Variants in DCAF1 observed in about 807,000 individuals in gnomAD.
The protein encoded by DCAF1 is DDB1- and CUL4-associated factor 1.
Under a neutral mutation model 128.0 loss-of-function variants are expected in DCAF1, and 15 were observed. The observed-to-expected ratio is 0.12, with a 90% CI of 0.08 to 0.18. The LOEUF is 0.18. Among genes scored for constraint, DCAF1 ranks in the 10% least tolerant of loss-of-function variants. The pLI, the probability that DCAF1 is intolerant of heterozygous loss-of-function variation, is 1.00. For synonymous variants in DCAF1, 610 were observed against 603.0 expected (o/e 1.01, Z -0.17); for missense variants, 988 against 1,649.5 (o/e 0.60, Z 6.95).
intron 23 of DCAF1, among the ~76,000 whole-genome samples, chr3:51,404,002 G>A (rs183879332): frequency 4.1e-4 from 63 of 152,306 alleles, no homozygotes; most frequent in Middle Eastern, 3.4e-3. Context: ...AAAGTATGCT[G>A]GAGAAACTAT....
In DCAF1 at chr3:51,431,005, C is replaced by T. The variant is rs116108417; in HGVS notation, c.1288-793G>A. 7.0e-3 allele frequency among the ~76,000 whole-genome samples: 1,069 copies of T among 152,232 alleles called. 7 individuals carry two copies. The highest frequency in any genetic ancestry group is 0.012 in the Non-Finnish European group (800 of 68,014). ...CCACAGCCTGGGCAAAATGGCAAAACCCTGCCTCTACAAAACACGCAAAAA... is the reference window on the plus strand; with the variant it reads ...CCACAGCCTGGGCAAAATGGCAAAATCCTGCCTCTACAAAACACGCAAAAA... On this transcript the variant is annotated intron_variant, in intron 10 of 24. Coordinates refer to ENST00000684031, the MANE Select transcript of DCAF1 (RefSeq NM_001387579.1).
intron 23 of DCAF1, among the ~76,000 whole-genome samples, chr3:51,407,616 G>A (rs1380739182): frequency 2.0e-5 from 3 of 152,150 alleles, no homozygotes; most frequent in Non-Finnish European, 4.4e-5. Context: ...AAATCTAGGA[G>A]CAATGATCAA....
chr3:51,441,173 T>A, intron 8 of DCAF1, 102 bp from the exon 9 acceptor site: 1 of 1,234,438 alleles, frequency 8.1e-7, no homozygotes, highest in Non-Finnish European at 1.1e-6. Flanking sequence ...GATGCACCTC[T>A]TCCTCCCTCC....
chr3:51,418,312 C>A, intron 16 of DCAF1, 114 bp from the exon 17 acceptor site: 1 of 1,485,220 alleles, frequency 6.7e-7, no homozygotes, highest in Non-Finnish European at 9.0e-7. Context: ...ATTAAAGAGA[C>A]AATTTTATAA....
At chr3:51,444,166 A>C (rs1392839741) in intron 6 of DCAF1, among the ~76,000 whole-genome samples, 1 of 152,094 alleles carries the variant, frequency 6.6e-6, no homozygotes. Context: ...AACAAAACTC[A>C]AGCTAAAAAT....
chr3:51,428,048 T>C lies in DCAF1; in HGVS notation c.1678-507A>G, dbSNP rs189930323. Among the ~76,000 whole-genome samples the C allele has an allele frequency of 3.3e-5, 5 of 152,334 alleles. No homozygotes were observed. In the East Asian group the frequency reaches 9.6e-4, roughly 29 times the overall value. ...AAGCCCATATGTGAAGTAATGACCA[T>C]AGATTGCTTAATCTTTTATCTTATT... On this transcript the variant is annotated intron_variant, in intron 12 of 24. Coordinates refer to ENST00000684031, the MANE Select transcript of DCAF1 (RefSeq NM_001387579.1).
chr3:51,456,727 C>A (rs560519795), intron 6 of DCAF1, among the ~76,000 whole-genome samples: 1 of 152,172 alleles, frequency 6.6e-6, no homozygotes, highest in Non-Finnish European at 1.5e-5. Context: ...TCCAGAGGAA[C>A]GATCAGGCAG....
chr3:51,422,120 G>GT (rs1296869175), intron 14 of DCAF1, among the ~76,000 whole-genome samples, 187 bp downstream of exon 14: 336 of 146,496 alleles, frequency 2.3e-3, no homozygotes, highest in African/African-American at 7.0e-3. Flanking sequence ...TTGTTTTTTG[G>GT]TTTTTTTTTT....
intron 6 of DCAF1, among the ~76,000 whole-genome samples, chr3:51,455,608 C>CA (rs1184597548): frequency 5.3e-5 from 8 of 149,838 alleles, no homozygotes; most frequent in Non-Finnish European, 7.4e-5. Context: ...GACCCCATCT[C>CA]AAAAAAAAGG....
chr3:51,399,188 C>T (rs782119583), intron 24 of DCAF1, among the ~76,000 whole-genome samples: 9 of 152,174 alleles, frequency 5.9e-5, no homozygotes, highest in Non-Finnish European at 1.2e-4. Flanking sequence ...CCTCCATGGC[C>T]CTTGGCCTCT....
In DCAF1 at chr3:51,403,198, G is replaced by A. The variant is rs370422608; in HGVS notation, c.4410C>T (p.Asp1470=). 142 of 1,613,772 alleles carry A rather than the reference G, an allele frequency of 8.8e-5. No individual in the cohort carries two copies. Among genetic ancestry groups the A allele is most frequent in the African/African-American group, 8.1e-4 (61 of 74,974 alleles). ...ELANLLEEGE[D]GEDEDSDADE... The stretch of plus-strand genomic sequence containing the variant: ...CTGCATCAGAGTCTTCATCCTCCCC[G>A]TCCTCTCCCTCCTCTAGAAGGTTTG... Residue 1470 remains aspartate (D), a synonymous_variant, in exon 24 of 25, where the codon GAC becomes GAT. Coordinates refer to ENST00000684031, the MANE Select transcript of DCAF1 (RefSeq NM_001387579.1).
intron 2 of DCAF1, among the ~76,000 whole-genome samples, chr3:51,492,113 T>G (rs939001241): frequency 1.0e-4 from 15 of 147,956 alleles, no homozygotes; most frequent in Non-Finnish European, 1.5e-5. Context: ...GAGCCGAGAC[T>G]GCACCACTGC....
intron 15 of DCAF1, among the ~76,000 whole-genome samples, chr3:51,419,337 G>C (rs1311054245): frequency 2.0e-5 from 3 of 151,876 alleles, no homozygotes; most frequent in Non-Finnish European, 4.4e-5. Flanking sequence ...CTCCAGCCTG[G>C]GCGATAGAGA....
Position 51,483,846 on chromosome 3 carries a change from CAAAAAT to C in DCAF1, c.-8-16_-8-11del. On this transcript the variant is annotated splice_polypyrimidine_tract_variant and intron_variant, in intron 2 of 24. Coordinates refer to ENST00000684031, the MANE Select transcript of DCAF1 (RefSeq NM_001387579.1). Reference sequence around the variant, plus strand: ...GTAGTCATGGCTTTGCCTAAGGAAGCAAAAATAAAAATAAAAAAGACAACCAATAAA... The same window carrying C: ...GTAGTCATGGCTTTGCCTAAGGAAGCAAAAATAAAAAAGACAACCAATAAA... The C allele has an allele frequency of 6.4e-7, 1 of 1,566,692 alleles. No homozygotes were observed.
At chr3:51,492,694 T>A (rs1707788187) in intron 2 of DCAF1, among the ~76,000 whole-genome samples, 1 of 152,128 alleles carries the variant, frequency 6.6e-6, no homozygotes, top group Non-Finnish European at 1.5e-5. Context: ...ATATTGCTTG[T>A]AGAAATGTAA....
At chr3:51,457,069 C>T (rs145229502) in intron 6 of DCAF1, among the ~76,000 whole-genome samples, 5,272 of 152,270 alleles carry the variant, frequency 0.035, 142 homozygotes, top group Non-Finnish European at 0.055. Context: ...CGGAGAATGA[C>T]TTTGATGAGT....
At chr3:51,444,694 G>C (rs1420726990) in intron 6 of DCAF1, among the ~76,000 whole-genome samples, 6 of 147,222 alleles carry the variant, frequency 4.1e-5, no homozygotes, top group African/African-American at 1.5e-4. Flanking sequence ...TTGATTAATT[G>C]AGACAGAGTC....
Position 51,413,396 on chromosome 3 carries a change from G to A in DCAF1, c.3932-10C>T. On this transcript the variant is annotated splice_polypyrimidine_tract_variant and intron_variant, in intron 20 of 24. Coordinates refer to ENST00000684031, the MANE Select transcript of DCAF1 (RefSeq NM_001387579.1). ...TCTGCCTGCAACATAGCTTGAGGGG[G>A]AGTGGGGGAGGAAACACTATTAGGA... The A allele has an allele frequency of 1.2e-6, 2 of 1,609,028 alleles. No individual in the cohort carries two copies. The highest frequency in any genetic ancestry group is 1.7e-5 in the Admixed American group (1 of 59,182).
At chr3:51,396,628 A>T (rs545365161), downstream of DCAF1, 1 of 167,296 alleles carries the variant, frequency 6.0e-6, no homozygotes, top group Admixed American at 6.5e-5. Context: ...CTGCCTCCTA[A>T]GTGACTCCGA....
Sources: allele counts gnomAD v4.1 joint callset (sites outside exome capture counted in the v4.1 genomes callset), GRCh38; gene constraint gnomAD v4.1.1; transcripts MANE v1.5; gene names NCBI Gene and HGNC (gene_info 2026-07-23, HGNC 2026-07-21).